The following EIF2B2 variants were observed in gnomAD, a reference collection of about 807,000 sequenced individuals.
EIF2B2 encodes the protein translation initiation factor eIF2B subunit beta.
In EIF2B2, 34 loss-of-function variants were observed where a neutral mutation model predicts 34.7. The ratio of observed to expected loss-of-function variants is 0.98; its 90% CI spans 0.75 to 1.31. The LOEUF is 1.31. Among genes scored for constraint, EIF2B2 ranks in the 50% most tolerant of loss-of-function variants. The pLI, the probability that EIF2B2 is intolerant of heterozygous loss-of-function variation, is 0.00. For synonymous variants in EIF2B2, 155 were observed against 171.6 expected (o/e 0.90, Z 0.76); for missense variants, 361 against 447.7 (o/e 0.81, Z 1.75).
chr14:75,004,081 A>G (rs1324637408), intron 3 of EIF2B2, among the ~76,000 whole-genome samples: 3 of 152,306 alleles, frequency 2.0e-5, no homozygotes, highest in African/African-American at 2.4e-5. Flanking sequence ...TTGCGGTCCA[A>G]GTGACTTGCA....
chr14:75,006,625 G>A lies in EIF2B2; in HGVS notation c.742G>A (p.Val248Met), dbSNP rs956852835. The A allele has an allele frequency of 1.9e-6, 3 of 1,614,024 alleles. No individual in the cohort carries two copies. Among genetic ancestry groups the A allele is most frequent in the Non-Finnish European group, 2.5e-6 (3 of 1,180,034 alleles). ...CCTGGCCAATGGGGCCCTGAGAGCT[G>A]TGACAGGAACTCACACTCTGGCACT... is the stretch of plus-strand genomic sequence containing the variant. Reference protein sequence around the residue: ...TILANGALRAVTGTHTLALAA... With the variant: ...TILANGALRAMTGTHTLALAA... Residue 248 changes from valine to methionine, a missense_variant, in exon 6 of 8, where the codon GTG (valine) becomes ATG (methionine). By Grantham distance (21) the Val-to-Met change is conservative. Coordinates refer to ENST00000266126, the MANE Select transcript of EIF2B2 (RefSeq NM_014239.4). The surrounding 1 kb of genome is among the most constrained non-coding windows in gnomAD (Gnocchi z 4.1).
chr14:75,006,886 A>G lies in EIF2B2; in HGVS notation c.831+172A>G, dbSNP rs1889633887. Reference sequence around the variant, plus strand: ...GAACCACAGAAGTCTTGATTCAGTAAAACAGTTGAGAGTTCTCAGCTGTCA... The same window carrying G: ...GAACCACAGAAGTCTTGATTCAGTAGAACAGTTGAGAGTTCTCAGCTGTCA... On this transcript the variant is annotated intron_variant, in intron 6 of 7. Transcript: ENST00000266126. The surrounding 1 kb of genome is among the most constrained non-coding windows in gnomAD (Gnocchi z 4.1). 17 of 996,600 alleles carry G rather than the reference A, an allele frequency of 1.7e-5. No homozygotes were observed. Among genetic ancestry groups the G allele is most frequent in the Non-Finnish European group, 2.0e-5 (13 of 642,142 alleles). The allele number at this position is 996,600 out of a possible 1,614,324, so 61.7% of individuals were successfully genotyped here.
In EIF2B2 at chr14:75,002,931, A is replaced by G. The variant is rs200557826; in HGVS notation, c.-60A>G. 2.8e-4 allele frequency: 454 copies of G among 1,611,998 alleles called. No individual in the cohort carries two copies. Among genetic ancestry groups the G allele is most frequent in the Non-Finnish European group, 4.2e-5 (50 of 1,179,634 alleles). On this transcript the variant is annotated 5_prime_UTR_variant, in exon 1 of 8. Coordinates refer to ENST00000266126, the MANE Select transcript of EIF2B2 (RefSeq NM_014239.4). ...GACCTCGCCCGCCCCGGAAGTGCAA[A>G]CTGTGTGGTCTGGCAGGTGTGGATT...
chr14:75,006,840 A>G lies in EIF2B2; in HGVS notation c.831+126A>G. ...TTTATCTGCATTTACTCAATGGATT[A>G]CACCCAGTGGAGGCTGGAAAGAACC... On this transcript the variant is annotated intron_variant, in intron 6 of 7. Transcript: ENST00000266126. This position sits in a 1 kb window ranked among gnomAD's most constrained non-coding sequence, Gnocchi z 4.1. 1 of 1,367,098 alleles carries G rather than the reference A, an allele frequency of 7.3e-7. No homozygotes were observed. Among genetic ancestry groups the G allele is most frequent in the Non-Finnish European group, 1.0e-6 (1 of 968,006 alleles). 84.7% of individuals were successfully genotyped at this position (1,367,098 alleles called of 1,614,324 possible). A position where few individuals can be genotyped will look rare whatever the true frequency, so the allele number is the denominator to read the frequency against.
At position 75,009,158 on chromosome 14, in the gene EIF2B2, A is replaced by C; in HGVS notation, c.1026A>C (p.Glu342Asp). The stretch of plus-strand genomic sequence containing the variant: ...CCTACATCTACCGCCTGATGAGTGA[A>C]CTCTACCATCCTGATGATCATGTTT... Reference protein sequence around the residue: ...APSYIYRLMSELYHPDDHVL With the variant: ...APSYIYRLMSDLYHPDDHVL The change falls in exon 8 of 8, where the codon GAA becomes GAC. Residue 342 changes from glutamate to aspartate, a missense_variant. Transcript: ENST00000266126. 6.2e-7 allele frequency: 1 copy of C among 1,613,594 alleles called. No individual in the cohort carries two copies.
rs1246151501 is a variant in EIF2B2 at position 75,004,743 on chromosome 14, C to T, written c.440C>T (p.Thr147Ile). Reference sequence around the variant, plus strand: ...TGCAAAACCGTTCTTACAGAAGGGACAATGGAGAACATTGCAGCCCAGGCT... The same window carrying T: ...TGCAAAACCGTTCTTACAGAAGGGATAATGGAGAACATTGCAGCCCAGGCT... ...INELLVELEG[T>I]MENIAAQALE... is the part of the protein sequence containing the mutation. Residue 147 changes from threonine to isoleucine, a missense_variant, in exon 4 of 8, where the codon ACA becomes ATA. Transcript: ENST00000266126. 26 of 1,243,010 alleles carry T rather than the reference C, an allele frequency of 2.1e-5. No homozygotes were observed. The highest frequency in any genetic ancestry group is 2.7e-5 in the Non-Finnish European group (24 of 891,312). The allele number at this position is 1,243,010 out of a possible 1,614,324, so 77.0% of individuals were successfully genotyped here.
At chr14:75,004,101 T>C (rs1350403167) in intron 3 of EIF2B2, among the ~76,000 whole-genome samples, 1 of 152,228 alleles carries the variant, frequency 6.6e-6, no homozygotes, top group Non-Finnish European at 1.5e-5. Context: ...AGATATTCAT[T>C]GTAATCAGAG....
In EIF2B2 at chr14:75,009,326, G is replaced by A. The variant is rs1889672410; in HGVS notation, c.*138G>A. On this transcript the variant is annotated 3_prime_UTR_variant, in exon 8 of 8. Coordinates refer to ENST00000266126, the MANE Select transcript of EIF2B2 (RefSeq NM_014239.4). ...TAAAAAAAAAATCCTTGATACTGTT[G>A]CCTGCCTTTTTAGTCACCCCGTAAC... 2.8e-6 allele frequency: 3 copies of A among 1,078,490 alleles called. No homozygotes were observed. Among genetic ancestry groups the A allele is most frequent in the Admixed American group, 3.5e-5 (2 of 56,514 alleles). The allele number at this position is 1,078,490 out of a possible 1,614,324, so 66.8% of individuals were successfully genotyped here. A position where few individuals can be genotyped will look rare whatever the true frequency, so the allele number is the denominator to read the frequency against.
chr14:75,006,591 G>A lies in EIF2B2; in HGVS notation c.708G>A (p.Thr236=), dbSNP rs747522516. ...MSRVNKVIIG[T]KTILANGALR... ...TTGTCCCAAAGGTGATCATTGGCAC[G>A]AAGACCATCCTGGCCAATGGGGCCC... The change falls in exon 6 of 8, where the codon ACG becomes ACA. Residue 236 remains threonine (T), a synonymous_variant. Transcript: ENST00000266126. The surrounding 1 kb of genome is among the most constrained non-coding windows in gnomAD (Gnocchi z 4.1). 1.4e-5 allele frequency: 23 copies of A among 1,613,928 alleles called. No homozygotes were observed. The highest frequency in any genetic ancestry group is 4.5e-5 in the East Asian group (2 of 44,888).
rs373906805 is a variant in EIF2B2 at position 75,003,550 on chromosome 14, G to A, written c.285-1G>A. 6.9e-5 allele frequency: 111 copies of A among 1,614,014 alleles called. No homozygotes were observed. Among genetic ancestry groups the A allele is most frequent in the Non-Finnish European group, 8.6e-5 (102 of 1,180,040 alleles). On this transcript the variant is annotated splice_acceptor_variant, in intron 2 of 7. Coordinates refer to ENST00000266126, the MANE Select transcript of EIF2B2 (RefSeq NM_014239.4). LOFTEE classifies it high-confidence loss of function. Reference sequence around the variant, plus strand: ...CTCTTTGGGTCTTGTTGCCTCTATAGACTCCATGGACGCAGCGACGAGAGT... The same window carrying A: ...CTCTTTGGGTCTTGTTGCCTCTATAAACTCCATGGACGCAGCGACGAGAGT...
rs1889719140 is a variant in EIF2B2, at chr14:75,012,358, T to C, written c.*3170T>C. The C allele has an allele frequency of 6.6e-6, 1 of 152,230 alleles. No homozygotes were observed. The highest frequency in any genetic ancestry group is 2.4e-5 in the African/African-American group (1 of 41,456). 9.4% of individuals were successfully genotyped at this position (152,230 alleles called of 1,614,324 possible). A position where few individuals can be genotyped will look rare whatever the true frequency, so the allele number is the denominator to read the frequency against. ...CCTCAATATGCTAAATAAACCAAGT[T>C]AGATAACAGTGCAGTTTGTAAAGAC... On this transcript the variant is annotated 3_prime_UTR_variant, in exon 8 of 8. Coordinates refer to ENST00000266126, the MANE Select transcript of EIF2B2 (RefSeq NM_014239.4).
Position 75,011,193 on chromosome 14 carries a change from TCA to T in EIF2B2, c.*2008_*2009del, listed in dbSNP as rs1889699486. On this transcript the variant is annotated 3_prime_UTR_variant, in exon 8 of 8. Coordinates refer to ENST00000266126, the MANE Select transcript of EIF2B2 (RefSeq NM_014239.4). ...GGGCAACAGTGGGTGAGACTCTGTC[TCA>T]CAAAAACAAAACAAAATTATATGTA... 1 of 152,114 alleles carries T rather than the reference TCA, an allele frequency of 6.6e-6. No homozygotes were observed. The allele number at this position is 152,114 out of a possible 1,614,324, so 9.4% of individuals were successfully genotyped here. A position where few individuals can be genotyped will look rare whatever the true frequency, so the allele number is the denominator to read the frequency against.
At chr14:75,008,559 G>C in intron 7 of EIF2B2, 1 of 271,768 alleles carries the variant, frequency 3.7e-6, no homozygotes, top group Non-Finnish European at 7.2e-6. Flanking sequence ...GACAAGCAAG[G>C]CTGATGTGGT....
rs757014213 is a variant in EIF2B2 at position 75,004,944 on chromosome 14, A to G, written c.597+44A>G. 22 of 1,602,496 alleles carry G rather than the reference A, an allele frequency of 1.4e-5. No homozygotes were observed. The South Asian group carries it at 2.2e-4, about 16-fold the overall frequency. ...TTGCTACTAAGAAAAATGAAAAATG[A>G]AGAAGAAATAAACGAGAGATGGGTA... On this transcript the variant is annotated intron_variant, in intron 4 of 7. Transcript: ENST00000266126.
intron 7 of EIF2B2, among the ~76,000 whole-genome samples, chr14:75,008,730 A>G (rs888646929): frequency 6.6e-6 from 1 of 152,230 alleles, no homozygotes; most frequent in African/African-American, 2.4e-5. Context: ...ATGGCTAGAC[A>G]GTAATGAGCA....
chr14:75,007,241 T>C (rs1350887251), intron 6 of EIF2B2: 1 of 375,594 alleles, frequency 2.7e-6, no homozygotes, highest in African/African-American at 2.1e-5. Flanking sequence ...TGATATCTAG[T>C]ACATTCACAG....
In EIF2B2 at chr14:75,010,356, T is replaced by TA. The variant is rs1364578486; in HGVS notation, c.*1168_*1169insA. On this transcript the variant is annotated 3_prime_UTR_variant, in exon 8 of 8. Coordinates refer to ENST00000266126, the MANE Select transcript of EIF2B2 (RefSeq NM_014239.4). ...AAAAAGATTTATACAGAGTGTTCAGTGTAGTAGTTGTAATGTCATAGCCTA... is the reference window on the plus strand; with the variant it reads ...AAAAAGATTTATACAGAGTGTTCAGTAGTAGTAGTTGTAATGTCATAGCCTA... 2 of 152,166 alleles carry TA rather than the reference T, an allele frequency of 1.3e-5. No individual in the cohort carries two copies. The highest frequency in any genetic ancestry group is 2.4e-5 in the African/African-American group (1 of 41,430). 9.4% of individuals were successfully genotyped at this position (152,166 alleles called of 1,614,324 possible).
chr14:75,009,302 A>G lies in EIF2B2; in HGVS notation c.*114A>G. The G allele has an allele frequency of 1.1e-6, 1 of 952,330 alleles. No homozygotes were observed. The highest frequency in any genetic ancestry group is 1.5e-5 in the South Asian group (1 of 64,708). 59.0% of individuals were successfully genotyped at this position (952,330 alleles called of 1,614,324 possible). On this transcript the variant is annotated 3_prime_UTR_variant, in exon 8 of 8. Transcript: ENST00000266126. ...TGTGGGAGTGCACAGGAGTCCACCT[A>G]AAAAAAAAATCCTTGATACTGTTGC... is the stretch of plus-strand genomic sequence containing the variant.
chr14:75,006,913 C>T lies in EIF2B2; in HGVS notation c.831+199C>T. The T allele has an allele frequency of 1.2e-6, 1 of 817,484 alleles. No homozygotes were observed. Among genetic ancestry groups the T allele is most frequent in the Non-Finnish European group, 2.0e-6 (1 of 488,574 alleles). The allele number at this position is 817,484 out of a possible 1,614,324, so 50.6% of individuals were successfully genotyped here. Reference sequence around the variant, plus strand: ...ACAGTTGAGAGTTCTCAGCTGTCAACTTTAGGAAGTCAAGATTGTAAGGAC... The same window carrying T: ...ACAGTTGAGAGTTCTCAGCTGTCAATTTTAGGAAGTCAAGATTGTAAGGAC... On this transcript the variant is annotated intron_variant, in intron 6 of 7. Coordinates refer to ENST00000266126, the MANE Select transcript of EIF2B2 (RefSeq NM_014239.4). This position sits in a 1 kb window ranked among gnomAD's most constrained non-coding sequence, Gnocchi z 4.1.
Sources: allele counts gnomAD v4.1 joint callset (sites outside exome capture counted in the v4.1 genomes callset), GRCh38; gene constraint gnomAD v4.1.1; non-coding constraint Gnocchi (gnomAD v3.1); transcripts MANE v1.5; gene names NCBI Gene and HGNC (gene_info 2026-07-23, HGNC 2026-07-21).